Variants in NBEA observed in about 807,000 individuals in gnomAD.
NBEA encodes the protein neurobeachin, also known as lysosomal-trafficking regulator 2.
In NBEA, 44 loss-of-function variants were observed where a neutral mutation model predicts 343.4. That is an observed-to-expected ratio of 0.13 (90% CI 0.10 to 0.16). The LOEUF (loss-of-function observed/expected upper bound fraction) is 0.16. NBEA is among the 10% of genes least tolerant of loss of function. The probability of loss-of-function intolerance (pLI) is 1.00; values close to 1 mark genes in which losing one functional copy is unlikely to be tolerated. For synonymous variants in NBEA, 1,175 were observed against 1,238.7 expected, an observed-to-expected ratio of 0.95 and a Z score of 1.08; for missense variants, 2,555 against 3,631.3, an observed-to-expected ratio of 0.70 and a Z score of 7.62.
rs762819158 is a variant in NBEA, at chr13:35,654,956, A to G, written c.8137A>G (p.Ile2713Val). 2.5e-6 allele frequency: 4 copies of G among 1,577,080 alleles called. No homozygotes were observed. Among genetic ancestry groups the G allele is most frequent in the Non-Finnish European group, 2.6e-6 (3 of 1,166,866 alleles). Residue 2713 changes from isoleucine to valine, a missense_variant, in exon 54 of 59, where the codon ATT becomes GTT. Physicochemically the swap from Ile to Val is conservative, Grantham distance 29 (BLOSUM62 3). Around this residue, in one of 21 missense-constraint regions of NBEA, gnomAD observed 186 missense variants for 328.9 expected, o/e 0.57. Coordinates refer to ENST00000379939, the MANE Select transcript of NBEA (RefSeq NM_001385012.1). ...TGTGGTAACAGCAGATAATCGCTAT[A>G]TTCTTATCTGTGGATTCTGGGATAA... ...CFVVTADNRY[I>V]LICGFWDKSF...
intron 34 of NBEA, among the ~76,000 whole-genome samples, chr13:35,260,346 T>G (rs935168281): frequency 1.3e-5 from 2 of 152,390 alleles, no homozygotes; most frequent in South Asian, 4.1e-4. Flanking sequence ...GAAGTAGCCT[T>G]ATTAATAATT....
chr13:35,114,179 T>C (rs1211089008), intron 13 of NBEA, among the ~76,000 whole-genome samples: 3 of 152,138 alleles, frequency 2.0e-5, no homozygotes, highest in East Asian at 1.9e-4. Context: ...TGGACAGATC[T>C]AGGAAATGAT....
intron 38 of NBEA, among the ~76,000 whole-genome samples, chr13:35,405,470 C>T (rs976369335): frequency 6.6e-6 from 1 of 152,058 alleles, no homozygotes; most frequent in Admixed American, 6.6e-5. Context: ...TTTAATTTAT[C>T]CCAATTTTGT....
At chr13:34,982,204 C>G (rs897454738) in intron 1 of NBEA, among the ~76,000 whole-genome samples, 1 of 152,094 alleles carries the variant, frequency 6.6e-6, no homozygotes, top group Admixed American at 6.6e-5. Flanking sequence ...TTCCTCTAGG[C>G]ACTGCTTTAG....
At chr13:35,322,595 C>T (rs569395182) in intron 36 of NBEA, among the ~76,000 whole-genome samples, 57 of 152,292 alleles carry the variant, frequency 3.7e-4, no homozygotes, top group African/African-American at 1.3e-3. Flanking sequence ...GCCCCATGCT[C>T]CTTTTTTGCC....
At chr13:35,073,896 C>G (rs949046503) in intron 10 of NBEA, among the ~76,000 whole-genome samples, 1 of 152,072 alleles carries the variant, frequency 6.6e-6, no homozygotes, top group Non-Finnish European at 1.5e-5. Context: ...CAGTTGTGAT[C>G]ACACCACTGC....
At chr13:35,207,834 A>G (rs1324806195) in intron 31 of NBEA, among the ~76,000 whole-genome samples, 1 of 152,156 alleles carries the variant, frequency 6.6e-6, no homozygotes, top group Non-Finnish European at 1.5e-5. Flanking sequence ...AATTTTGTTC[A>G]GAAAAATAAA....
At chr13:35,646,017 C>A in intron 50 of NBEA, 86 bp downstream of exon 50, 1 of 896,476 alleles carries the variant, frequency 1.1e-6, no homozygotes, top group Non-Finnish European at 1.7e-6. Context: ...CCACATTTAA[C>A]CCCAGCTTCT....
chr13:35,081,260 T>C (rs970662224), intron 10 of NBEA, among the ~76,000 whole-genome samples: 1 of 152,086 alleles, frequency 6.6e-6, no homozygotes, highest in Non-Finnish European at 1.5e-5. Context: ...TCCTAGCTAT[T>C]TATTATTTTT....
At chr13:35,259,047 T>A (rs897191603) in intron 34 of NBEA, among the ~76,000 whole-genome samples, 24 of 152,218 alleles carry the variant, frequency 1.6e-4, no homozygotes, top group African/African-American at 5.5e-4. Context: ...GGCTTATCAG[T>A]ACATAACCCC....
In NBEA at chr13:35,513,513, G is replaced by T. The variant is rs573595120; in HGVS notation, c.6586-36964G>T. The stretch of plus-strand genomic sequence containing the variant: ...CAAATTTGTGCCCCAAACACAGGAA[G>T]TTTAAATGATTCTGTGGTATGCTTT... On this transcript the variant is annotated intron_variant, in intron 41 of 58. Transcript: ENST00000379939. Among the ~76,000 whole-genome samples the T allele has an allele frequency of 1.1e-4, 17 of 151,866 alleles. No individual in the cohort carries two copies. In the East Asian group the frequency reaches 3.3e-3, roughly 29 times the overall value.
chr13:35,065,700 G>A (rs920500951), intron 8 of NBEA, among the ~76,000 whole-genome samples: 3 of 151,678 alleles, frequency 2.0e-5, no homozygotes, highest in Non-Finnish European at 2.9e-5. Flanking sequence ...AAATTTAAAA[G>A]TAAAATAAAA....
intron 1 of NBEA, among the ~76,000 whole-genome samples, chr13:35,021,845 C>G (rs1003968631): frequency 8.6e-5 from 13 of 151,974 alleles, no homozygotes; most frequent in African/African-American, 3.1e-4. Context: ...GTTATTTTTA[C>G]TTTAGATAGT....
At position 35,475,287 on chromosome 13, in the gene NBEA, C is replaced by T. The variant is rs150872535; in HGVS notation, c.6585+2751C>T. 8.1e-6 allele frequency: 13 copies of T among 1,614,044 alleles called. No homozygotes were observed. The Admixed American group carries it at 1.7e-4, about 21-fold the overall frequency. Reference sequence around the variant, plus strand: ...CGTCCCAGTCCGACTCTCGGGGATGCTTTTCACACTCGTAGGAAACCAGAG... The same window carrying T: ...CGTCCCAGTCCGACTCTCGGGGATGTTTTTCACACTCGTAGGAAACCAGAG... On this transcript the variant is annotated intron_variant, in intron 41 of 58. Coordinates refer to ENST00000379939, the MANE Select transcript of NBEA (RefSeq NM_001385012.1).
chr13:34,992,798 G>C (rs1385357253), intron 1 of NBEA, among the ~76,000 whole-genome samples: 1 of 151,062 alleles, frequency 6.6e-6, no homozygotes, highest in Non-Finnish European at 1.5e-5. Context: ...TCAGCCTCCT[G>C]AGTAGCTGGG....
chr13:35,122,898 C>A (rs1226905126), intron 16 of NBEA, among the ~76,000 whole-genome samples: 1 of 152,066 alleles, frequency 6.6e-6, no homozygotes, highest in African/African-American at 2.4e-5. Context: ...AATTCAAGAG[C>A]CCAGCAAAGA....
At chr13:35,120,095 C>T (rs541426702) in intron 16 of NBEA, among the ~76,000 whole-genome samples, 2 of 152,246 alleles carry the variant, frequency 1.3e-5, no homozygotes, top group East Asian at 3.9e-4. Flanking sequence ...TTTAGTGAAT[C>T]AGTTGAAGAT....
intron 28 of NBEA, among the ~76,000 whole-genome samples, chr13:35,180,780 A>G (rs996896998): frequency 6.6e-6 from 1 of 151,676 alleles, no homozygotes. Flanking sequence ...CACCTGATCA[A>G]TATACACTGA....
chr13:35,621,740 C>T (rs2083002131), intron 48 of NBEA, among the ~76,000 whole-genome samples: 1 of 152,120 alleles, frequency 6.6e-6, no homozygotes, highest in Non-Finnish European at 1.5e-5. Flanking sequence ...CTCTTGTGAT[C>T]ATCACATCTT....
Sources: gnomAD v4.1 joint callset for allele counts (sites outside exome capture counted in the v4.1 genomes callset) on GRCh38, gnomAD v4.1.1 for gene constraint, gnomAD v4.1.1 regional missense constraint, MANE v1.5 for transcripts, NCBI Gene and HGNC (gene_info 2026-07-23, HGNC 2026-07-21) for gene names.